The following DPY19L3 variants were observed in gnomAD, a reference collection of about 807,000 sequenced individuals.
The protein encoded by DPY19L3 is dpy-19 like C-mannosyltransferase 3, also known as protein C-mannosyl-transferase DPY19L3.
A neutral mutation model predicts 92.3 loss-of-function variants in DPY19L3; 51 were observed. That is an observed-to-expected ratio of 0.55 (90% CI 0.44 to 0.70). The LOEUF is 0.70. Ranked by LOEUF, DPY19L3 falls within the 30% of genes least tolerant of loss-of-function variation. The pLI, the probability that DPY19L3 is intolerant of heterozygous loss-of-function variation, is 0.00. For synonymous variants in DPY19L3, 309 were observed against 315.2 expected (o/e 0.98, Z 0.21); for missense variants, 706 against 855.9 (o/e 0.82, Z 2.18).
At chr19:32,433,909 T>G (rs1361930053) in intron 4 of DPY19L3, among the ~76,000 whole-genome samples, 2 of 152,216 alleles carry the variant, frequency 1.3e-5, no homozygotes, top group Non-Finnish European at 2.9e-5. Context: ...GATTATCGTC[T>G]GTAGTTCTTA....
chr19:32,406,773 C>T lies in DPY19L3; in HGVS notation c.-38+864C>T, dbSNP rs114968012. 1.2e-3 allele frequency among the ~76,000 whole-genome samples: 183 copies of T among 152,262 alleles called. 1 individual carries two copies. The highest frequency in any genetic ancestry group is 4.1e-3 in the African/African-American group (169 of 41,554). ...TTCATGGGACTGTTGCAGTGCCTGACACATAATTGGTACTTAAATATGTGT... is the reference window on the plus strand; with the variant it reads ...TTCATGGGACTGTTGCAGTGCCTGATACATAATTGGTACTTAAATATGTGT... On this transcript the variant is annotated intron_variant, in intron 1 of 18. Coordinates refer to ENST00000392250, the MANE Select transcript of DPY19L3 (RefSeq NM_001172774.2).
At chr19:32,431,665 A>G (rs2084868607) in intron 3 of DPY19L3, among the ~76,000 whole-genome samples, 1 of 152,198 alleles carries the variant, frequency 6.6e-6, no homozygotes, top group South Asian at 2.1e-4. Flanking sequence ...TGTTTTATGT[A>G]TACCTTATGC....
chr19:32,439,866 G>T lies in DPY19L3; in HGVS notation c.811G>T (p.Val271Leu), dbSNP rs1376905639. ...NQFMMLMQALVLFTLDSLDML... is the reference protein window; with the variant it reads ...NQFMMLMQALLLFTLDSLDML... ...ATTTATGATGCTGATGCAAGCATTA[G>T]TGCTGTTCACACTGGACTCCCTGGA... The change falls in exon 8 of 19, where the codon GTG becomes TTG. Residue 271 changes from valine (V) to leucine (L), a missense_variant. Val to Leu is a conservative substitution (Grantham distance 32). Transcript: ENST00000392250. The T allele has an allele frequency of 1.9e-6, 3 of 1,613,938 alleles. No individual in the cohort carries two copies. Among genetic ancestry groups the T allele is most frequent in the Non-Finnish European group, 2.5e-6 (3 of 1,179,860 alleles).
At chr19:32,441,835 C>T (rs905979590) in intron 8 of DPY19L3, among the ~76,000 whole-genome samples, 2 of 152,122 alleles carry the variant, frequency 1.3e-5, no homozygotes, top group Non-Finnish European at 2.9e-5. Context: ...AGCAAAGGTA[C>T]TGTTTTGGCT....
intron 16 of DPY19L3, 124 bp downstream of exon 16, chr19:32,468,937 A>C: frequency 2.2e-6 from 2 of 903,130 alleles, no homozygotes; most frequent in Non-Finnish European, 3.1e-6. Context: ...ATTCGTCCTT[A>C]CTAGATTTTT....
At chr19:32,422,907 A>G (rs1443593156) in intron 3 of DPY19L3, among the ~76,000 whole-genome samples, 1 of 152,238 alleles carries the variant, frequency 6.6e-6, no homozygotes, top group Non-Finnish European at 1.5e-5. Context: ...GTAATGTCTA[A>G]TGGTCAAAGA....
chr19:32,471,775 A>G (rs1970364747), intron 16 of DPY19L3, among the ~76,000 whole-genome samples: 1 of 152,114 alleles, frequency 6.6e-6, no homozygotes, highest in South Asian at 2.1e-4. Flanking sequence ...TTTCTTTTTT[A>G]TAGGCTGAAG....
rs2145654215 is a variant in DPY19L3 at position 32,485,072 on chromosome 19, G to C, written c.*2832G>C. ...GATTTATGTGAGAAGTAGAACTGTAGTCATTGGACCCTTAGGCAAAGGAAA... is the reference window on the plus strand; with the variant it reads ...GATTTATGTGAGAAGTAGAACTGTACTCATTGGACCCTTAGGCAAAGGAAA... On this transcript the variant is annotated 3_prime_UTR_variant, in exon 19 of 19. Transcript: ENST00000392250. 6.6e-6 allele frequency: 1 copy of C among 152,304 alleles called. No individual in the cohort carries two copies. The highest frequency in any genetic ancestry group is 2.1e-4 in the South Asian group (1 of 4,824). 9.4% of individuals were successfully genotyped at this position (152,304 alleles called of 1,614,324 possible).
chr19:32,419,131 G>A (rs1291955146), intron 3 of DPY19L3, among the ~76,000 whole-genome samples: 1 of 150,626 alleles, frequency 6.6e-6, no homozygotes, highest in Non-Finnish European at 1.5e-5. Context: ...ACTATTTGGG[G>A]GCATTTTAAT....
Position 32,477,551 on chromosome 19 carries a change from C to T in DPY19L3, c.1727C>T (p.Ala576Val), listed in dbSNP as rs777960163. ...AACACTCCAAGAAAGGCTGTGTTTG[C>T]GGGAAGCATGCAGTTGCTGGCCGGA... is the stretch of plus-strand genomic sequence containing the variant. ...NSNTPRKAVF[A>V]GSMQLLAGVK... Residue 576 changes from alanine to valine, a missense_variant, in exon 17 of 19, where the codon GCG becomes GTG. Physicochemically the swap from Ala to Val is moderately conservative, Grantham distance 64. Coordinates refer to ENST00000392250, the MANE Select transcript of DPY19L3 (RefSeq NM_001172774.2). The T allele has an allele frequency of 5.0e-6, 8 of 1,614,038 alleles. No homozygotes were observed. The highest frequency in any genetic ancestry group is 1.1e-5 in the South Asian group (1 of 91,068).
chr19:32,448,919 T>C (rs1969606230), intron 8 of DPY19L3, among the ~76,000 whole-genome samples: 1 of 152,234 alleles, frequency 6.6e-6, no homozygotes, highest in Admixed American at 6.5e-5. Flanking sequence ...ATCAGCAATT[T>C]TTCTTTTGAA....
At chr19:32,435,140 G>A (rs1194697095) in intron 4 of DPY19L3, among the ~76,000 whole-genome samples, 2 of 152,056 alleles carry the variant, frequency 1.3e-5, no homozygotes, top group Non-Finnish European at 2.9e-5. Context: ...TCCTCACATA[G>A]CCTTTCCCTC....
chr19:32,406,898 C>G (rs923304457), intron 1 of DPY19L3, among the ~76,000 whole-genome samples: 3 of 152,026 alleles, frequency 2.0e-5, no homozygotes, highest in African/African-American at 7.3e-5. Flanking sequence ...GGGATAAGCC[C>G]ATCTGTGGCT....
At chr19:32,434,973 G>A (rs1030318509) in intron 4 of DPY19L3, among the ~76,000 whole-genome samples, 4 of 152,136 alleles carry the variant, frequency 2.6e-5, no homozygotes, top group African/African-American at 9.7e-5. Flanking sequence ...TTAGACTTTA[G>A]GCTTGCCATA....
At chr19:32,480,580 T>C in intron 18 of DPY19L3, 23 bp downstream of exon 18, 1 of 1,603,402 alleles carries the variant, frequency 6.2e-7, no homozygotes, top group East Asian at 2.2e-5. Flanking sequence ...CCTCTCCCTG[T>C]GTGGGGGTCT....
At chr19:32,411,191 T>C (rs777766717) in intron 2 of DPY19L3, 48 bp from the exon 3 acceptor site, 4 of 1,566,588 alleles carry the variant, frequency 2.6e-6, no homozygotes, top group Non-Finnish European at 3.5e-6. Context: ...TATTACATTC[T>C]GATTTTTTTA....
chr19:32,412,017 C>T (rs918472700), intron 3 of DPY19L3: 7 of 152,174 alleles, frequency 4.6e-5, no homozygotes, highest in African/African-American at 9.7e-5. Context: ...ACTGGGACCC[C>T]AGGCATGCAC....
intron 8 of DPY19L3, among the ~76,000 whole-genome samples, chr19:32,446,221 T>TA (rs1375624685): frequency 6.6e-6 from 1 of 152,008 alleles, no homozygotes; most frequent in Non-Finnish European, 1.5e-5. Context: ...ATAACCACTT[T>TA]AAAAAACTAT....
chr19:32,429,159 C>G (rs1209738172), intron 3 of DPY19L3, among the ~76,000 whole-genome samples: 3 of 152,100 alleles, frequency 2.0e-5, no homozygotes, highest in African/African-American at 7.2e-5. Context: ...CTGTACAGTT[C>G]TTTATAAATA....
Sources: gnomAD v4.1 joint callset for allele counts (sites outside exome capture counted in the v4.1 genomes callset) on GRCh38, gnomAD v4.1.1 for gene constraint, MANE v1.5 for transcripts, NCBI Gene and HGNC (gene_info 2026-07-23, HGNC 2026-07-21) for gene names.